HIBADH: variants seen among roughly 807,000 people sequenced by gnomAD.
The protein encoded by HIBADH is 3-hydroxyisobutyrate dehydrogenase.
A neutral mutation model predicts 36.1 loss-of-function variants in HIBADH; 25 were observed. The ratio of observed to expected loss-of-function variants is 0.69; its 90% CI spans 0.50 to 0.97. HIBADH has a LOEUF of 0.97. Among genes scored for constraint, HIBADH ranks in the 50% least tolerant of loss-of-function variants. The pLI, the probability that HIBADH is intolerant of heterozygous loss-of-function variation, is 0.00. For missense variants in HIBADH, 421 were observed against 418.0 expected (o/e 1.01, Z -0.06); for synonymous variants, 160 against 149.5 (o/e 1.07, Z -0.51).
At chr7:27,543,664 C>T (rs1583561252) in intron 4 of HIBADH, among the ~76,000 whole-genome samples, 1 of 152,152 alleles carries the variant, frequency 6.6e-6, no homozygotes, top group African/African-American at 2.4e-5. Flanking sequence ...GCAAGGAAAA[C>T]TTTGCTTATT....
At chr7:27,614,305 A>G (rs1785388777) in intron 4 of HIBADH, among the ~76,000 whole-genome samples, 1 of 152,210 alleles carries the variant, frequency 6.6e-6, no homozygotes, top group Non-Finnish European at 1.5e-5. Flanking sequence ...TAAACATAGT[A>G]TATGCCTGCT....
chr7:27,611,404 G>C (rs1470831519), intron 4 of HIBADH, among the ~76,000 whole-genome samples: 5 of 152,126 alleles, frequency 3.3e-5, no homozygotes, highest in Non-Finnish European at 7.3e-5. Flanking sequence ...TTTTAATTTA[G>C]TTTTAATTTG....
chr7:27,532,311 T>A (rs1308821856), intron 6 of HIBADH, among the ~76,000 whole-genome samples: 1 of 152,218 alleles, frequency 6.6e-6, no homozygotes, highest in African/African-American at 2.4e-5. Context: ...GAAACAATTG[T>A]CATAAAAGCT....
chr7:27,644,484 C>T (rs780991780), intron 2 of HIBADH, among the ~76,000 whole-genome samples: 2 of 151,636 alleles, frequency 1.3e-5, no homozygotes, highest in Non-Finnish European at 2.9e-5. Flanking sequence ...CCTGTAATCC[C>T]AGCTACTCAG....
intron 4 of HIBADH, among the ~76,000 whole-genome samples, chr7:27,599,239 C>T (rs771597883): frequency 6.6e-6 from 1 of 152,044 alleles, no homozygotes; most frequent in Non-Finnish European, 1.5e-5. Flanking sequence ...AAATGCATTC[C>T]TTAGGTTGAA....
At chr7:27,588,044 T>C (rs1020464244) in intron 4 of HIBADH, among the ~76,000 whole-genome samples, 1 of 152,252 alleles carries the variant, frequency 6.6e-6, no homozygotes, top group African/African-American at 2.4e-5. Context: ...TACACAGTGA[T>C]ATCTGGACAT....
chr7:27,597,373 G>A (rs1395947110), intron 4 of HIBADH, among the ~76,000 whole-genome samples: 3 of 151,930 alleles, frequency 2.0e-5, no homozygotes, highest in East Asian at 1.9e-4. Context: ...CACACAGAAA[G>A]AGGGAAGGCC....
intron 4 of HIBADH, among the ~76,000 whole-genome samples, chr7:27,573,579 G>A (rs3915090): frequency 1.3e-3 from 202 of 152,278 alleles, no homozygotes; most frequent in African/African-American, 4.7e-3. Context: ...AAAGGAACGA[G>A]AAAAATTCTG....
In HIBADH at chr7:27,542,438, G is replaced by GTT. The variant is rs150575250; in HGVS notation, c.618+527_618+528dup. Among the ~76,000 whole-genome samples, 99 of 68,156 alleles carry GTT rather than the reference G, an allele frequency of 1.5e-3. 1 individual carries two copies. The highest frequency in any genetic ancestry group is 1.7e-3 in the Non-Finnish European group (68 of 39,416). The allele number at this position is 68,156 out of a possible 152,430, so 44.7% of individuals were successfully genotyped here. A position where few individuals can be genotyped will look rare whatever the true frequency, so the allele number is the denominator to read the frequency against. On this transcript the variant is annotated intron_variant, in intron 5 of 7. Transcript: ENST00000265395. Reference sequence around the variant, plus strand: ...ATCCTAATAATGAATTTTTTTTCCCGTTTTTTTTTTTTTTTTTTTTTTTTT... The same window carrying GTT: ...ATCCTAATAATGAATTTTTTTTCCCGTTTTTTTTTTTTTTTTTTTTTTTTTTT...
chr7:27,658,472 T>C (rs1240980198), intron 1 of HIBADH, among the ~76,000 whole-genome samples: 2 of 152,206 alleles, frequency 1.3e-5, no homozygotes, highest in South Asian at 2.1e-4. Context: ...CTTTCTCCAA[T>C]GTAACAAGGG....
intron 2 of HIBADH, chr7:27,647,679 T>C: frequency 5.0e-6 from 2 of 400,256 alleles, no homozygotes; most frequent in Non-Finnish European, 5.2e-6. Flanking sequence ...CTACCTAAAA[T>C]TAGCAACACT....
intron 4 of HIBADH, among the ~76,000 whole-genome samples, chr7:27,573,565 G>C (rs923945891): frequency 1.3e-5 from 2 of 152,042 alleles, no homozygotes; most frequent in African/African-American, 4.8e-5. Context: ...AGAAGTATAG[G>C]AAAAAAGGAA....
At chr7:27,603,499 T>C (rs1023519324) in intron 4 of HIBADH, among the ~76,000 whole-genome samples, 3 of 152,250 alleles carry the variant, frequency 2.0e-5, no homozygotes, top group South Asian at 2.1e-4. Flanking sequence ...CACATGCAGA[T>C]ACAGTAAGTC....
chr7:27,595,759 G>A (rs1785024127), intron 4 of HIBADH, among the ~76,000 whole-genome samples: 1 of 152,044 alleles, frequency 6.6e-6, no homozygotes, highest in African/African-American at 2.4e-5. Flanking sequence ...CTGGCAAACT[G>A]TAAGTACTCA....
chr7:27,601,141 T>A (rs1785124246), intron 4 of HIBADH, among the ~76,000 whole-genome samples: 1 of 152,110 alleles, frequency 6.6e-6, no homozygotes, highest in African/African-American at 2.4e-5. Context: ...TATGGGCCGG[T>A]TGATTGGATC....
At chr7:27,548,487 A>C (rs1212302778) in intron 4 of HIBADH, among the ~76,000 whole-genome samples, 2 of 152,182 alleles carry the variant, frequency 1.3e-5, no homozygotes, top group African/African-American at 2.4e-5. Context: ...GAGGGCATAC[A>C]GTTGTACAAA....
At chr7:27,569,357 T>C (rs1784596536) in intron 4 of HIBADH, among the ~76,000 whole-genome samples, 1 of 152,204 alleles carries the variant, frequency 6.6e-6, no homozygotes, top group South Asian at 2.1e-4. Context: ...CCTGGTTCTT[T>C]TTGTGTCAAG....
chr7:27,542,510 A>G (rs1016462526), intron 5 of HIBADH, among the ~76,000 whole-genome samples: 1 of 123,424 alleles, frequency 8.1e-6, no homozygotes, highest in Admixed American at 1.2e-4. Flanking sequence ...CAGTGGCTCT[A>G]TCATGGCTCA....
At chr7:27,635,701 C>T (rs541987966) in intron 2 of HIBADH, among the ~76,000 whole-genome samples, 21 of 152,184 alleles carry the variant, frequency 1.4e-4, no homozygotes, top group Non-Finnish European at 2.4e-4. Context: ...GGACTTTCAC[C>T]GTGCAGGTTT....
Sources: gnomAD v4.1 joint callset for allele counts (sites outside exome capture counted in the v4.1 genomes callset) on GRCh38, gnomAD v4.1.1 for gene constraint, MANE v1.5 for transcripts, NCBI Gene and HGNC (gene_info 2026-07-23, HGNC 2026-07-21) for gene names.